Variants in FBXL7 observed in about 807,000 individuals in gnomAD.
FBXL7 encodes F-box and leucine rich repeat protein 7.
A neutral mutation model predicts 38.3 loss-of-function variants in FBXL7; 12 were observed. The observed-to-expected ratio is 0.31, with a 90% CI of 0.20 to 0.51. FBXL7 has a LOEUF of 0.51. Ranked by LOEUF, FBXL7 falls within the 20% of genes least tolerant of loss-of-function variation. The pLI is 0.98. For synonymous variants in FBXL7, 297 were observed against 300.9 expected, an observed-to-expected ratio of 0.99 and a Z score of 0.13; for missense variants, 567 against 676.4, an observed-to-expected ratio of 0.84 and a Z score of 1.79.
intron 2 of FBXL7, among the ~76,000 whole-genome samples, chr5:15,741,767 T>C (rs1210387568): frequency 6.6e-6 from 1 of 152,112 alleles, no homozygotes; most frequent in African/African-American, 2.4e-5. Flanking sequence ...TATAGCACCA[T>C]TTAAAAATGT....
rs566985457 is a variant in FBXL7 at position 15,763,894 on chromosome 5, A to G, written c.127+147822A>G. Reference sequence around the variant, plus strand: ...ACAATATGCTATCTGCAAGCTGCAGAGCCAGGAGCACTGGTGATGTAATTT... The same window carrying G: ...ACAATATGCTATCTGCAAGCTGCAGGGCCAGGAGCACTGGTGATGTAATTT... On this transcript the variant is annotated intron_variant, in intron 2 of 3. Coordinates refer to ENST00000504595, the MANE Select transcript of FBXL7 (RefSeq NM_012304.5). 7.2e-5 allele frequency among the ~76,000 whole-genome samples: 11 copies of G among 152,326 alleles called. No homozygotes were observed. The East Asian group carries it at 2.1e-3, about 29-fold the overall frequency.
chr5:15,862,506 CAA>C (rs1739520117), intron 2 of FBXL7, among the ~76,000 whole-genome samples: 3 of 152,166 alleles, frequency 2.0e-5, no homozygotes, highest in African/African-American at 7.2e-5. Context: ...TGAATCCTCA[CAA>C]GACTCTTATT....
At chr5:15,650,644 C>A (rs2126569335) in intron 2 of FBXL7, among the ~76,000 whole-genome samples, 1 of 152,364 alleles carries the variant, frequency 6.6e-6, no homozygotes, top group Admixed American at 6.5e-5. Context: ...TGAACCCTGC[C>A]ATGCTTTATC....
chr5:15,671,692 A>C (rs760205679), intron 2 of FBXL7, among the ~76,000 whole-genome samples: 2 of 152,222 alleles, frequency 1.3e-5, no homozygotes, highest in African/African-American at 2.4e-5. Context: ...GACTATGGTT[A>C]TAGGTGTAAC....
chr5:15,500,659 G>A lies in FBXL7; in HGVS notation c.-18G>A, dbSNP rs1349502035. 1 of 1,613,358 alleles carries A rather than the reference G, an allele frequency of 6.2e-7. No homozygotes were observed. Among genetic ancestry groups the A allele is most frequent in the Admixed American group, 1.7e-5 (1 of 59,998 alleles). ...GCTATGGAGTGTCCCGGGAGACGGC[G>A]GGCATGACGGCTACAGGATGGGCGC... On this transcript the variant is annotated 5_prime_UTR_variant, in exon 1 of 4. Coordinates refer to ENST00000504595, the MANE Select transcript of FBXL7 (RefSeq NM_012304.5).
At chr5:15,885,500 C>T (rs553240701) in intron 2 of FBXL7, among the ~76,000 whole-genome samples, 11 of 152,192 alleles carry the variant, frequency 7.2e-5, no homozygotes, top group African/African-American at 1.4e-4. Flanking sequence ...CTGGCACCCA[C>T]GTCAGGGAGC....
chr5:15,837,844 C>T (rs950374002), intron 2 of FBXL7, among the ~76,000 whole-genome samples: 1 of 152,074 alleles, frequency 6.6e-6, no homozygotes, highest in Non-Finnish European at 1.5e-5. Flanking sequence ...AAACTCTGTT[C>T]TCAGTGGTCA....
chr5:15,818,703 CGTGTGTGTGTGT>C (rs3222099), intron 2 of FBXL7, among the ~76,000 whole-genome samples: 8 of 116,768 alleles, frequency 6.9e-5, no homozygotes, highest in African/African-American at 1.6e-4. Flanking sequence ...CCCATTATTT[CGTGTGTGTGTGT>C]GTGTGTGTGT....
intron 1 of FBXL7, among the ~76,000 whole-genome samples, chr5:15,563,572 C>T (rs1199121924): frequency 1.3e-5 from 2 of 151,982 alleles, no homozygotes; most frequent in African/African-American, 2.4e-5. Context: ...TCAAGGAAGC[C>T]GAGTTCTCTT....
At chr5:15,889,337 TGA>T (rs896889376) in intron 2 of FBXL7, among the ~76,000 whole-genome samples, 1 of 152,204 alleles carries the variant, frequency 6.6e-6, no homozygotes, top group Non-Finnish European at 1.5e-5. Flanking sequence ...CCTTGCTGTG[TGA>T]CTTACCGGAG....
chr5:15,752,008 G>C (rs750942196), intron 2 of FBXL7, among the ~76,000 whole-genome samples: 12 of 152,170 alleles, frequency 7.9e-5, no homozygotes, highest in Non-Finnish European at 1.6e-4. Flanking sequence ...GGAATTATAA[G>C]TTTCATGGCT....
At chr5:15,922,704 A>G (rs6876718) in intron 2 of FBXL7, among the ~76,000 whole-genome samples, 53,929 of 152,068 alleles carry the variant, frequency 0.35, 9,866 homozygotes, top group Admixed American at 0.52. Flanking sequence ...GTGTTGTAGC[A>G]TTCTTCCAAT....
intron 2 of FBXL7, among the ~76,000 whole-genome samples, chr5:15,788,852 G>A (rs956778244): frequency 6.8e-6 from 1 of 146,008 alleles, no homozygotes; most frequent in Non-Finnish European, 1.5e-5. Context: ...GCTAAGTTTT[G>A]TATTTTTTTT....
At chr5:15,549,518 C>A (rs1211737041) in intron 1 of FBXL7, among the ~76,000 whole-genome samples, 2 of 152,050 alleles carry the variant, frequency 1.3e-5, no homozygotes, top group East Asian at 1.9e-4. Flanking sequence ...ACATTAAAAT[C>A]CTATTGATGA....
At position 15,500,608 on chromosome 5, in the gene FBXL7, G is replaced by T; in HGVS notation, c.-69G>T. 3 of 1,608,342 alleles carry T rather than the reference G, an allele frequency of 1.9e-6. No homozygotes were observed. The highest frequency in any genetic ancestry group is 2.6e-6 in the Non-Finnish European group (3 of 1,175,246). ...GTCCCGTCGGGCGGGCTTTCCTCGG[G>T]CCGAGCGCGCAGGACGTGCGCCGCA... On this transcript the variant is annotated 5_prime_UTR_variant, in exon 1 of 4. Coordinates refer to ENST00000504595, the MANE Select transcript of FBXL7 (RefSeq NM_012304.5).
chr5:15,771,249 A>G (rs1283530770), intron 2 of FBXL7, among the ~76,000 whole-genome samples: 1 of 152,090 alleles, frequency 6.6e-6, no homozygotes, highest in Non-Finnish European at 1.5e-5. Flanking sequence ...CTCACCATAC[A>G]TCTTATTGAC....
chr5:15,559,268 A>G (rs1358711744), intron 1 of FBXL7, among the ~76,000 whole-genome samples: 1 of 152,188 alleles, frequency 6.6e-6, no homozygotes, highest in Non-Finnish European at 1.5e-5. Context: ...ATCTAAAGTC[A>G]GATTGTGAAA....
At chr5:15,576,693 A>AT (rs1216597868) in intron 1 of FBXL7, among the ~76,000 whole-genome samples, 1,677 of 148,034 alleles carry the variant, frequency 0.011, 18 homozygotes, top group African/African-American at 0.028. Flanking sequence ...AAAAAGATTG[A>AT]TTTTTTTTTT....
chr5:15,658,590 C>T (rs1741954938), intron 2 of FBXL7, among the ~76,000 whole-genome samples: 1 of 152,122 alleles, frequency 6.6e-6, no homozygotes, highest in African/African-American at 2.4e-5. Context: ...TCGGGAGACT[C>T]ATGTCTCCAG....
Sources: gnomAD v4.1 joint callset for allele counts (sites outside exome capture counted in the v4.1 genomes callset) on GRCh38, gnomAD v4.1.1 for gene constraint, MANE v1.5 for transcripts, NCBI Gene and HGNC (gene_info 2026-07-23, HGNC 2026-07-21) for gene names.